The following RIC3 variants were observed in gnomAD, a reference collection of about 807,000 sequenced individuals.
The protein encoded by RIC3 is RIC3 acetylcholine receptor chaperone.
RIC3 carries 28 observed loss-of-function variants against 27.3 expected under a neutral mutation model. The observed-to-expected ratio is 1.02, with a 90% CI of 0.76 to 1.41. The LOEUF (loss-of-function observed/expected upper bound fraction) is 1.41, where lower values mean the gene tolerates loss of function less well. RIC3 is among the 40% of genes most tolerant of loss of function. The pLI is 0.00. For synonymous variants in RIC3, 184 were observed against 160.4 expected (o/e 1.15, Z -1.11); for missense variants, 501 against 444.7 (o/e 1.13, Z -1.14).
chr11:8,114,199 C>G (rs1945589653), intron 5 of RIC3, among the ~76,000 whole-genome samples: 1 of 152,218 alleles, frequency 6.6e-6, no homozygotes, highest in African/African-American at 2.4e-5. Flanking sequence ...GCAAAAGTCC[C>G]TGCTTCTTCA....
At chr11:8,093,891 G>C in the RIC3 span, among the ~76,000 whole-genome samples, 1 of 152,124 alleles carries the variant, frequency 6.6e-6, no homozygotes, top group Non-Finnish European at 1.5e-5. Context: ...GAGATGAGTG[G>C]GCCTGATCCT....
At chr11:8,119,626 T>C (rs562084502) in intron 5 of RIC3, among the ~76,000 whole-genome samples, 36 of 152,244 alleles carry the variant, frequency 2.4e-4, no homozygotes, top group Middle Eastern at 3.4e-3. Flanking sequence ...ATTCAGGACA[T>C]AGGCATAGGC....
At chr11:8,130,259 G>C (rs1947526899) in intron 4 of RIC3, among the ~76,000 whole-genome samples, 1 of 138,146 alleles carries the variant, frequency 7.2e-6, no homozygotes, top group Non-Finnish European at 1.5e-5. Flanking sequence ...TTCAGGGATA[G>C]ATATAGGACC....
intron 5 of RIC3, among the ~76,000 whole-genome samples, chr11:8,116,123 T>G (rs1424527403): frequency 6.6e-6 from 1 of 151,160 alleles, no homozygotes; most frequent in African/African-American, 2.4e-5. Flanking sequence ...TAAACAAAGA[T>G]GCCAAAAAAT....
intron 5 of RIC3, among the ~76,000 whole-genome samples, chr11:8,118,527 T>TAA (rs11378233): frequency 0.19 from 12,480 of 66,488 alleles, 1,924 homozygotes; most frequent in Middle Eastern, 0.25. Flanking sequence ...GCCATAATTG[T>TAA]AAAAAAAAAA....
At chr11:8,158,272 G>T (rs1950849615) in intron 1 of RIC3, among the ~76,000 whole-genome samples, 1 of 152,126 alleles carries the variant, frequency 6.6e-6, no homozygotes, top group African/African-American at 2.4e-5. Context: ...GTGACAAAGG[G>T]TCTGTGCTAT....
chr11:8,144,123 G>T (rs372971051), intron 1 of RIC3, among the ~76,000 whole-genome samples: 36 of 152,170 alleles, frequency 2.4e-4, no homozygotes, highest in African/African-American at 7.7e-4. Flanking sequence ...GCATGGGCAA[G>T]GACTTCATGT....
intron 1 of RIC3, among the ~76,000 whole-genome samples, chr11:8,141,452 A>C (rs1277862608): frequency 6.6e-6 from 1 of 152,182 alleles, no homozygotes; most frequent in African/African-American, 2.4e-5. Context: ...ATAATGGTAA[A>C]GGATCAATTC....
At chr11:8,098,806 C>T in the RIC3 span, 1 of 1,614,198 alleles carries the variant, frequency 6.2e-7, no homozygotes, top group African/African-American at 1.3e-5. Flanking sequence ...ATGGAGTCAA[C>T]CCTCAGAAGG....
rs1446746036 is a variant in RIC3 at position 8,139,987 on chromosome 11, T to C, written c.331A>G (p.Ile111Val). ...PIYGFGIFLY[I>V]LYILFKLSKG... ...CTTACCTTAAATAGAATGTACAGTA[T>C]ATATAAAAAAATCCCAAAACCGTAG... is the stretch of plus-strand genomic sequence containing the variant. The change falls in exon 2 of 6, where the codon ATA becomes GTA. Residue 111 changes from isoleucine (I) to valine (V), a missense_variant. Transcript: ENST00000309737. 8 of 1,613,812 alleles carry C rather than the reference T, an allele frequency of 5.0e-6. No homozygotes were observed. Among genetic ancestry groups the C allele is most frequent in the Non-Finnish European group, 6.8e-6 (8 of 1,179,874 alleles).
intron 5 of RIC3, among the ~76,000 whole-genome samples, chr11:8,122,597 G>A (rs766204198): frequency 2.6e-5 from 4 of 152,136 alleles, no homozygotes; most frequent in Non-Finnish European, 5.9e-5. Context: ...TCATAAGAGT[G>A]CAAAGCTAGG....
Position 8,143,787 on chromosome 11 carries a change from G to A in RIC3, c.125-3594C>T, listed in dbSNP as rs560750710. On this transcript the variant is annotated intron_variant, in intron 1 of 5. Coordinates refer to ENST00000309737, the MANE Select transcript of RIC3 (RefSeq NM_001206671.4). ...TACCTGACTTCAAACTATACTACAA[G>A]GCTACAGTAACCAAAACAGCATGGT... 2.6e-3 allele frequency among the ~76,000 whole-genome samples: 393 copies of A among 152,132 alleles called. 2 individuals are homozygous for A. Among genetic ancestry groups the A allele is most frequent in the African/African-American group, 9.2e-3 (380 of 41,500 alleles).
In RIC3 at chr11:8,154,384, T is replaced by G. The variant is rs146933430; in HGVS notation, c.125-14191A>C. Among the ~76,000 whole-genome samples the G allele has an allele frequency of 6.4e-3, 981 of 152,336 alleles. 22 individuals carry two copies. The highest frequency in any genetic ancestry group is 0.051 in the Admixed American group (784 of 15,304). On this transcript the variant is annotated intron_variant, in intron 1 of 5. Transcript: ENST00000309737. ...GAATGTTTTAAAACTTCATATTGTGTATAGGCAGTGGTGACGGTTGCACAA... is the reference window on the plus strand; with the variant it reads ...GAATGTTTTAAAACTTCATATTGTGGATAGGCAGTGGTGACGGTTGCACAA...
the RIC3 span, chr11:8,100,391 T>A: frequency 1.2e-6 from 1 of 824,486 alleles, no homozygotes; most frequent in African/African-American, 1.7e-5. Context: ...TGTGTTAGAC[T>A]TCGGAGTGGA....
the RIC3 span, chr11:8,097,224 A>G: frequency 6.2e-7 from 1 of 1,613,890 alleles, no homozygotes; most frequent in East Asian, 2.2e-5. Context: ...CTGCATCCCC[A>G]TAGGAGGCAG....
chr11:8,145,426 C>A, intron 1 of RIC3, among the ~76,000 whole-genome samples: 1 of 152,116 alleles, frequency 6.6e-6, no homozygotes, highest in Non-Finnish European at 1.5e-5. Flanking sequence ...GGAAGATGGT[C>A]GCCCCAGCCC....
intron 5 of RIC3, among the ~76,000 whole-genome samples, chr11:8,123,289 A>G (rs1946662689): frequency 6.6e-6 from 1 of 152,192 alleles, no homozygotes; most frequent in Non-Finnish European, 1.5e-5. Flanking sequence ...AGACAAAAAG[A>G]CACAGATCAT....
At chr11:8,095,889 C>A in the RIC3 span, among the ~76,000 whole-genome samples, 1 of 152,230 alleles carries the variant, frequency 6.6e-6, no homozygotes, top group African/African-American at 2.4e-5. Context: ...CCTTTTGCTC[C>A]TTAGAAAAAG....
chr11:8,120,824 T>C (rs947164275), intron 5 of RIC3, among the ~76,000 whole-genome samples: 1 of 152,052 alleles, frequency 6.6e-6, no homozygotes, highest in Non-Finnish European at 1.5e-5. Context: ...AGATTTCTCA[T>C]TTTCAATATC....
Sources: allele counts gnomAD v4.1 joint callset (sites outside exome capture counted in the v4.1 genomes callset), GRCh38; gene constraint gnomAD v4.1.1; transcripts MANE v1.5; gene names NCBI Gene and HGNC (gene_info 2026-07-23, HGNC 2026-07-21).